Variants in ZMYND8 observed in about 807,000 individuals in gnomAD.
ZMYND8 encodes the protein MYND-type zinc finger-containing chromatin reader ZMYND8.
In ZMYND8, 37 loss-of-function variants were observed where a neutral mutation model predicts 140.8. The ratio of observed to expected loss-of-function variants is 0.26; its 90% CI spans 0.20 to 0.35. The LOEUF is 0.35. ZMYND8 is among the 10% of genes least tolerant of loss of function. The pLI, the probability that ZMYND8 is intolerant of heterozygous loss-of-function variation, is 1.00. For missense variants in ZMYND8, 1,068 were observed against 1,570.0 expected, an observed-to-expected ratio of 0.68 and a Z score of 5.40; for synonymous variants, 592 against 597.1, an observed-to-expected ratio of 0.99 and a Z score of 0.12.
Position 47,229,762 on chromosome 20 carries a change from A to T in ZMYND8, c.2901T>A (p.Asp967Glu). ...IKGTMTEIYN[D>E]LSKNTTGSTI... ...TGCTTCCAGTAGTGTTTTTAGAAAG[A>T]TCGTTGTATATTTCTGTCATTGTTC... The change falls in exon 17 of 23, where the codon GAT becomes GAA. Residue 967 changes from aspartate (D) to glutamate (E), a missense_variant. Transcript: ENST00000471951. 6.2e-7 allele frequency: 1 copy of T among 1,613,422 alleles called. No individual in the cohort carries two copies. The highest frequency in any genetic ancestry group is 8.5e-7 in the Non-Finnish European group (1 of 1,179,812).
Position 47,238,823 on chromosome 20 carries a change from T to G in ZMYND8, c.2600A>C (p.Gln867Pro). Reference protein sequence around the residue: ...MQRQQQQQQQQNQQQQPQSSQ... With the variant: ...MQRQQQQQQQPNQQQQPQSSQ... ...AGACTGAGGCTGCTGCTGCTGGTTT[T>G]GCTGCTGCTGCTGCTGCTGCTGACG... The change falls in exon 15 of 23, where the codon CAA becomes CCA. Residue 867 changes from glutamine (Q) to proline (P), a missense_variant. By Grantham distance (76) the Gln-to-Pro change is moderately conservative. Coordinates refer to ENST00000471951, the MANE Select transcript of ZMYND8 (RefSeq NM_001281775.3). The G allele has an allele frequency of 6.6e-7, 1 of 1,522,968 alleles. No homozygotes were observed. Among genetic ancestry groups the G allele is most frequent in the Non-Finnish European group, 8.9e-7 (1 of 1,129,560 alleles). The allele number at this position is 1,522,968 out of a possible 1,614,324, so 94.3% of individuals were successfully genotyped here. A position where few individuals can be genotyped will look rare whatever the true frequency, so the allele number is the denominator to read the frequency against.
At chr20:47,272,251 G>A (rs559818559) in intron 11 of ZMYND8, among the ~76,000 whole-genome samples, 2 of 151,830 alleles carry the variant, frequency 1.3e-5, no homozygotes, top group Non-Finnish European at 2.9e-5. Context: ...CTAATTTTTT[G>A]TATTTTTAGT....
chr20:47,238,524 T>C (rs531653741), intron 15 of ZMYND8: 40 of 689,438 alleles, frequency 5.8e-5, no homozygotes, highest in Non-Finnish European at 8.5e-5. Flanking sequence ...TTAAGGAGAA[T>C]ATATGCATGT....
At chr20:47,272,363 C>G (rs187089158) in intron 11 of ZMYND8, among the ~76,000 whole-genome samples, 1 of 152,298 alleles carries the variant, frequency 6.6e-6, no homozygotes, top group Non-Finnish European at 1.5e-5. Flanking sequence ...AGACGTGAAC[C>G]ACCGCACCCG....
intron 2 of ZMYND8, among the ~76,000 whole-genome samples, chr20:47,322,438 C>CTTTTTT (rs1166725847): frequency 8.3e-6 from 1 of 120,770 alleles, no homozygotes; most frequent in African/African-American, 3.1e-5. Context: ...GATGGCATTT[C>CTTTTTT]TTTTTTTTTT....
At chr20:47,344,295 TTAA>T (rs1279328067) in intron 2 of ZMYND8, among the ~76,000 whole-genome samples, 1 of 152,160 alleles carries the variant, frequency 6.6e-6, no homozygotes, top group Non-Finnish European at 1.5e-5. Context: ...ATAGATCTTA[TTAA>T]TAATACATAC....
At chr20:47,266,615 G>A (rs2075547033) in intron 11 of ZMYND8, among the ~76,000 whole-genome samples, 1 of 151,994 alleles carries the variant, frequency 6.6e-6, no homozygotes, top group Admixed American at 6.6e-5. Context: ...TCTCATGCCT[G>A]AATTTACCCA....
At chr20:47,262,696 C>T (rs893828044) in intron 11 of ZMYND8, among the ~76,000 whole-genome samples, 1 of 152,182 alleles carries the variant, frequency 6.6e-6, no homozygotes, top group East Asian at 1.9e-4. Flanking sequence ...TAAGACAAAT[C>T]GGCTAAGCTG....
At chr20:47,259,913 G>A (rs144962549) in intron 12 of ZMYND8, among the ~76,000 whole-genome samples, 54 of 152,212 alleles carry the variant, frequency 3.5e-4, no homozygotes, top group African/African-American at 1.3e-3. Flanking sequence ...AAGATTCCCA[G>A]AATTACACCT....
chr20:47,268,235 T>A (rs2075674989), intron 11 of ZMYND8, among the ~76,000 whole-genome samples: 1 of 150,520 alleles, frequency 6.6e-6, no homozygotes, highest in African/African-American at 2.4e-5. Context: ...GGCAGATGCA[T>A]CACTTGAGGT....
chr20:47,337,459 G>A (rs1569229309), intron 2 of ZMYND8, among the ~76,000 whole-genome samples: 1 of 152,172 alleles, frequency 6.6e-6, no homozygotes, highest in Non-Finnish European at 1.5e-5. Context: ...TTGAGCCCAC[G>A]AGTTCAAGAG....
At chr20:47,289,982 C>T (rs907084055) in intron 7 of ZMYND8, among the ~76,000 whole-genome samples, 2 of 152,178 alleles carry the variant, frequency 1.3e-5, no homozygotes, top group Admixed American at 6.5e-5. Flanking sequence ...TAAAAGGCAG[C>T]AGCACCATGC....
chr20:47,250,403 A>G (rs1164487517), intron 12 of ZMYND8, among the ~76,000 whole-genome samples: 1 of 152,096 alleles, frequency 6.6e-6, no homozygotes, highest in African/African-American at 2.4e-5. Context: ...ACCCACCCAA[A>G]GCGAGTGTGA....
At chr20:47,284,322 C>T (rs2076789527) in intron 8 of ZMYND8, among the ~76,000 whole-genome samples, 1 of 152,212 alleles carries the variant, frequency 6.6e-6, no homozygotes, top group Admixed American at 6.5e-5. Context: ...TGTCAGAGCA[C>T]TTTAACCATT....
At chr20:47,220,148 TCG>T in intron 21 of ZMYND8, 108 bp downstream of exon 21, 1 of 728,716 alleles carries the variant, frequency 1.4e-6, no homozygotes, top group Non-Finnish European at 2.2e-6. Flanking sequence ...GGATCCATAA[TCG>T]TTTGGAAACC....
At chr20:47,295,136 T>A (rs890308490) in intron 4 of ZMYND8, among the ~76,000 whole-genome samples, 1 of 152,210 alleles carries the variant, frequency 6.6e-6, no homozygotes, top group African/African-American at 2.4e-5. Context: ...CTCACGCCTG[T>A]AATCCCAGCA....
rs540515806 is a variant in ZMYND8 at position 47,210,703 on chromosome 20, T to C, written c.*58A>G. On this transcript the variant is annotated 3_prime_UTR_variant, in exon 23 of 23. Transcript: ENST00000471951. ...TCTCCTGCCTTTGTTGTTTCTTCTT[T>C]TCCTGGCGTCTGGGTTTTTCTCCCA... 6.8e-6 allele frequency: 11 copies of C among 1,613,666 alleles called. No homozygotes were observed. The African/African-American group carries it at 1.1e-4, about 16-fold the overall frequency.
intron 2 of ZMYND8, among the ~76,000 whole-genome samples, chr20:47,340,966 C>T (rs143547601): frequency 2.0e-5 from 3 of 152,210 alleles, no homozygotes; most frequent in African/African-American, 4.8e-5. Flanking sequence ...CCCATGAGTG[C>T]GAACGTGTGT....
intron 2 of ZMYND8, among the ~76,000 whole-genome samples, chr20:47,333,480 C>T (rs1320784828): frequency 1.3e-5 from 2 of 151,990 alleles, no homozygotes; most frequent in African/African-American, 4.8e-5. Flanking sequence ...TCTGTAATCC[C>T]AACACTTTGG....
Sources: gnomAD v4.1 joint callset for allele counts (sites outside exome capture counted in the v4.1 genomes callset) on GRCh38, gnomAD v4.1.1 for gene constraint, MANE v1.5 for transcripts, NCBI Gene and HGNC (gene_info 2026-07-23, HGNC 2026-07-21) for gene names.